CDH13: variants seen among roughly 807,000 people sequenced by gnomAD.
The protein encoded by CDH13 is cadherin 13, also known as cadherin-13.
Under a neutral mutation model 63.8 loss-of-function variants are expected in CDH13, and 24 were observed. That is an observed-to-expected ratio of 0.38 (90% confidence interval 0.27 to 0.53). CDH13 has a LOEUF of 0.53. Ranked by LOEUF, CDH13 falls within the 20% of genes least tolerant of loss-of-function variation. The pLI is 0.85. For missense variants in CDH13, 1,049 were observed against 903.1 expected, an observed-to-expected ratio of 1.16 and a Z score of -2.07; for synonymous variants, 503 against 355.3, an observed-to-expected ratio of 1.42 and a Z score of -4.67.
At position 83,077,431 on chromosome 16, in the gene CDH13, G is replaced by C. The variant is rs559041400; in HGVS notation, c.366+45213G>C. 2.0e-5 allele frequency among the ~76,000 whole-genome samples: 3 copies of C among 151,718 alleles called. No homozygotes were observed. The East Asian group carries it at 5.9e-4, about 30-fold the overall frequency. Reference sequence around the variant, plus strand: ...TGGTCTCGAACTCCTGACCTCAAGTGATCTGCCCACTTTGGCCTCCCAAAG... The same window carrying C: ...TGGTCTCGAACTCCTGACCTCAAGTCATCTGCCCACTTTGGCCTCCCAAAG... On this transcript the variant is annotated intron_variant, in intron 3 of 13. Transcript: ENST00000567109.
At chr16:82,632,885 C>T (rs981809495) in intron 1 of CDH13, among the ~76,000 whole-genome samples, 4 of 151,922 alleles carry the variant, frequency 2.6e-5, no homozygotes, top group African/African-American at 9.7e-5. Flanking sequence ...TGATGGGAGA[C>T]ACTGACAGAT....
At chr16:82,926,371 G>A (rs181325343) in intron 2 of CDH13, among the ~76,000 whole-genome samples, 7 of 151,882 alleles carry the variant, frequency 4.6e-5, no homozygotes, top group East Asian at 1.9e-4. Flanking sequence ...AAACATTTTC[G>A]CACCCCTGTG....
At chr16:83,593,255 T>A (rs571067857) in intron 7 of CDH13, among the ~76,000 whole-genome samples, 2 of 152,346 alleles carry the variant, frequency 1.3e-5, no homozygotes, top group South Asian at 4.1e-4. Context: ...ATGTAGCTCA[T>A]GTTAATGTTT....
chr16:82,750,350 A>G (rs1029628177), intron 1 of CDH13, among the ~76,000 whole-genome samples: 1 of 152,230 alleles, frequency 6.6e-6, no homozygotes, highest in African/African-American at 2.4e-5. Flanking sequence ...AGTCAACCTC[A>G]GAGCACTAAG....
chr16:82,776,247 AAGGGAGGG>A (rs146393114), intron 1 of CDH13, among the ~76,000 whole-genome samples: 7,482 of 140,476 alleles, frequency 0.053, 245 homozygotes, highest in Middle Eastern at 0.11. Flanking sequence ...GGAAGGGATT[AAGGGAGGG>A]AGGGAGGGAG....
chr16:82,728,815 CCA>C (rs1379114011), intron 1 of CDH13, among the ~76,000 whole-genome samples: 1 of 152,138 alleles, frequency 6.6e-6, no homozygotes, highest in Non-Finnish European at 1.5e-5. Flanking sequence ...AGCATTTTAC[CCA>C]CAGTAGAACT....
At chr16:83,075,517 A>G (rs1340414808) in intron 3 of CDH13, among the ~76,000 whole-genome samples, 1 of 152,166 alleles carries the variant, frequency 6.6e-6, no homozygotes, top group Admixed American at 6.5e-5. Context: ...TGCAAAGGGA[A>G]CAGGGTTGTG....
At chr16:83,100,100 A>G (rs1003369974) in intron 3 of CDH13, among the ~76,000 whole-genome samples, 16 of 152,152 alleles carry the variant, frequency 1.1e-4, no homozygotes, top group African/African-American at 3.9e-4. Flanking sequence ...TTAACTCATC[A>G]CTCATTCAAT....
chr16:83,062,825 CTT>C (rs2031677201), intron 3 of CDH13, among the ~76,000 whole-genome samples: 1 of 152,190 alleles, frequency 6.6e-6, no homozygotes, highest in Admixed American at 6.5e-5. Context: ...CACCTGGTAA[CTT>C]AGCTAGGCTG....
chr16:82,984,024 A>T (rs375529561), intron 2 of CDH13, among the ~76,000 whole-genome samples: 1 of 152,366 alleles, frequency 6.6e-6, no homozygotes, highest in African/African-American at 2.4e-5. Context: ...TGGGAAGCCC[A>T]CAAGACCTTC....
At chr16:82,948,650 T>C (rs1256766325) in intron 2 of CDH13, among the ~76,000 whole-genome samples, 1 of 152,212 alleles carries the variant, frequency 6.6e-6, no homozygotes, top group African/African-American at 2.4e-5. Flanking sequence ...GGACACAGCC[T>C]AATGCAAACT....
At chr16:82,853,128 G>T (rs1026319735) in intron 1 of CDH13, among the ~76,000 whole-genome samples, 4 of 152,108 alleles carry the variant, frequency 2.6e-5, no homozygotes, top group Non-Finnish European at 4.4e-5. Flanking sequence ...AGAGATCTCT[G>T]AGCTGCTACT....
At chr16:83,255,893 G>T (rs1309955808) in intron 5 of CDH13, among the ~76,000 whole-genome samples, 3 of 152,088 alleles carry the variant, frequency 2.0e-5, no homozygotes, top group African/African-American at 7.2e-5. Context: ...AAAATACCTA[G>T]CACTAAGCTT....
intron 7 of CDH13, among the ~76,000 whole-genome samples, chr16:83,525,684 G>A (rs186565523): frequency 4.0e-4 from 61 of 152,226 alleles, no homozygotes; most frequent in Middle Eastern, 3.4e-3. Flanking sequence ...GCCTACCTGA[G>A]GGACATTGCA....
chr16:83,128,303 A>G (rs1051389067), intron 4 of CDH13, among the ~76,000 whole-genome samples: 2 of 152,196 alleles, frequency 1.3e-5, no homozygotes, highest in Non-Finnish European at 2.9e-5. Context: ...TGGACCAGCT[A>G]CATTAGCATC....
At chr16:83,067,966 C>T (rs1159130621) in intron 3 of CDH13, among the ~76,000 whole-genome samples, 3 of 152,168 alleles carry the variant, frequency 2.0e-5, no homozygotes, top group Non-Finnish European at 4.4e-5. Flanking sequence ...AGCCTTCACC[C>T]TCATTCTCAA....
At chr16:83,458,193 C>G (rs2073075413) in intron 6 of CDH13, among the ~76,000 whole-genome samples, 1 of 152,206 alleles carries the variant, frequency 6.6e-6, no homozygotes, top group Admixed American at 6.5e-5. Flanking sequence ...GGATCCCAGG[C>G]TGGCTCCAAC....
At chr16:82,865,464 C>A (rs965533143) in intron 2 of CDH13, among the ~76,000 whole-genome samples, 1 of 152,256 alleles carries the variant, frequency 6.6e-6, no homozygotes, top group Non-Finnish European at 1.5e-5. Flanking sequence ...CACCTGCAGG[C>A]CCAACACCAC....
chr16:83,370,103 G>C (rs114182374), intron 6 of CDH13, among the ~76,000 whole-genome samples: 1 of 151,952 alleles, frequency 6.6e-6, no homozygotes, highest in Non-Finnish European at 1.5e-5. Context: ...CTTTCATATC[G>C]TTGGCTAGGC....
Sources: allele counts gnomAD v4.1 joint callset (sites outside exome capture counted in the v4.1 genomes callset), GRCh38; gene constraint gnomAD v4.1.1; transcripts MANE v1.5; gene names NCBI Gene and HGNC (gene_info 2026-07-23, HGNC 2026-07-21).